RORA: variants seen among roughly 807,000 people sequenced by gnomAD.
RORA encodes RAR related orphan receptor A, also known as nuclear receptor ROR-alpha.
Under a neutral mutation model 69.5 loss-of-function variants are expected in RORA, and 7 were observed. The observed-to-expected ratio is 0.10, with a 90% CI of 0.06 to 0.19. The LOEUF (loss-of-function observed/expected upper bound fraction) is 0.19. Ranked by LOEUF, RORA falls within the 10% of genes least tolerant of loss-of-function variation. The probability of loss-of-function intolerance (pLI) is 1.00; values close to 1 mark genes in which losing one functional copy is unlikely to be tolerated. For missense variants in RORA, 457 were observed against 663.0 expected, an observed-to-expected ratio of 0.69 and a Z score of 3.41; for synonymous variants, 261 against 240.8, an observed-to-expected ratio of 1.08 and a Z score of -0.78.
intron 1 of RORA, among the ~76,000 whole-genome samples, chr15:61,134,816 G>A (rs144026817): frequency 6.6e-6 from 1 of 152,156 alleles, no homozygotes; most frequent in Non-Finnish European, 1.5e-5. Context: ...TTGGAAGGGT[G>A]GGCAGTTTCC....
At chr15:60,768,014 T>A (rs1485096194) in intron 1 of RORA, among the ~76,000 whole-genome samples, 9 of 152,210 alleles carry the variant, frequency 5.9e-5, no homozygotes, top group South Asian at 2.1e-4. Context: ...CAGGGTGGCC[T>A]ATGGGTGGAG....
chr15:60,992,170 C>T (rs907778236), intron 1 of RORA, among the ~76,000 whole-genome samples: 1 of 152,062 alleles, frequency 6.6e-6, no homozygotes, highest in Non-Finnish European at 1.5e-5. Flanking sequence ...AAAATGGATT[C>T]CTGCTGGAGG....
chr15:61,196,980 A>G (rs749905063), intron 1 of RORA, among the ~76,000 whole-genome samples: 3 of 152,218 alleles, frequency 2.0e-5, no homozygotes, highest in Admixed American at 1.3e-4. Flanking sequence ...TTTAAGGCAG[A>G]GCTTGCTTGC....
intron 1 of RORA, among the ~76,000 whole-genome samples, chr15:61,200,971 T>A (rs1428919116): frequency 6.6e-6 from 1 of 152,232 alleles, no homozygotes; most frequent in Non-Finnish European, 1.5e-5. Context: ...AGCCGACTTG[T>A]TTTAACAAAT....
intron 1 of RORA, chr15:60,706,191 A>T (rs2071060639): frequency 6.6e-6 from 1 of 152,212 alleles, no homozygotes; most frequent in South Asian, 2.1e-4. Context: ...CTCATGTAGC[A>T]TGAGTTTTAG....
In RORA at chr15:61,073,886, G is replaced by C. The variant is rs116345945; in HGVS notation, c.166+155167C>G. Among the ~76,000 whole-genome samples, 962 of 152,278 alleles carry C rather than the reference G, an allele frequency of 6.3e-3. 12 individuals are homozygous for C. Among genetic ancestry groups the C allele is most frequent in the African/African-American group, 0.022 (902 of 41,548 alleles). On this transcript the variant is annotated intron_variant, in intron 1 of 10. Transcript: ENST00000335670. ...CTGAATCAATTGCTAAATTTCAAAA[G>C]GCATGCCCTGGCTTCAGATACATTA...
intron 1 of RORA, among the ~76,000 whole-genome samples, chr15:61,197,556 C>T (rs1320776698): frequency 2.6e-5 from 4 of 152,180 alleles, no homozygotes; most frequent in Non-Finnish European, 5.9e-5. Context: ...ATTGGCAGAT[C>T]TATATTCACT....
chr15:61,212,597 G>A (rs1026332774), intron 1 of RORA, among the ~76,000 whole-genome samples: 1 of 152,080 alleles, frequency 6.6e-6, no homozygotes, highest in African/African-American at 2.4e-5. Context: ...TCACCATATT[G>A]GCCAGGGTGG....
At chr15:61,079,752 C>A (rs2078510498) in intron 1 of RORA, among the ~76,000 whole-genome samples, 1 of 152,202 alleles carries the variant, frequency 6.6e-6, no homozygotes, top group African/African-American at 2.4e-5. Context: ...TGCCCTTATC[C>A]ACAATGAGCT....
At chr15:61,209,955 T>G (rs946482229) in intron 1 of RORA, among the ~76,000 whole-genome samples, 1 of 152,198 alleles carries the variant, frequency 6.6e-6, no homozygotes, top group African/African-American at 2.4e-5. Context: ...AACTGCATAT[T>G]TAGCTCAACT....
intron 1 of RORA, among the ~76,000 whole-genome samples, chr15:61,174,917 T>C (rs562725633): frequency 7.3e-4 from 111 of 152,334 alleles, no homozygotes; most frequent in African/African-American, 2.4e-3. Flanking sequence ...AGAGGTTAAA[T>C]AACTTGCCCA....
intron 3 of RORA, among the ~76,000 whole-genome samples, chr15:60,517,124 C>T (rs74017205): frequency 0.057 from 4,447 of 77,678 alleles, 341 homozygotes; most frequent in African/African-American, 0.17. Context: ...TTTTTTTTTT[C>T]CCCCCTACAA....
intron 1 of RORA, among the ~76,000 whole-genome samples, chr15:60,924,054 T>C (rs1191743689): frequency 6.6e-6 from 1 of 152,166 alleles, no homozygotes; most frequent in South Asian, 2.1e-4. Context: ...CACTGAAAAC[T>C]TCCCAAGTGG....
chr15:60,835,826 A>G (rs1042041315), intron 1 of RORA, among the ~76,000 whole-genome samples: 4 of 152,210 alleles, frequency 2.6e-5, no homozygotes, highest in Non-Finnish European at 2.9e-5. Flanking sequence ...CTGTCATTTG[A>G]TTCAACTCTA....
rs372932498 is a variant in RORA, at chr15:61,147,763, A to ACGCG, written c.166+81286_166+81289dup. Among the ~76,000 whole-genome samples, 3,467 of 74,780 alleles carry ACGCG rather than the reference A, an allele frequency of 0.046. 64 individuals are homozygous for ACGCG. The highest frequency in any genetic ancestry group is 0.09 in the African/African-American group (2,137 of 23,622). 49.1% of individuals were successfully genotyped at this position (74,780 alleles called of 152,430 possible). A position where few individuals can be genotyped will look rare whatever the true frequency, so the allele number is the denominator to read the frequency against. On this transcript the variant is annotated intron_variant, in intron 1 of 10. Transcript: ENST00000335670. The surrounding 1 kb of genome is among the most constrained non-coding windows in gnomAD (Gnocchi z 4.1). Reference sequence around the variant, plus strand: ...TGATGGTCAGTAGGCACGTGCGCACACGCGTGTGTGTGTGTGTGTGTGTGT... The same window carrying ACGCG: ...TGATGGTCAGTAGGCACGTGCGCACACGCGCGCGTGTGTGTGTGTGTGTGTGTGT...
chr15:60,577,792 A>G (rs1373925697), intron 2 of RORA, among the ~76,000 whole-genome samples: 1 of 152,230 alleles, frequency 6.6e-6, no homozygotes, highest in Non-Finnish European at 1.5e-5. Flanking sequence ...ATTGCATATT[A>G]ACATATAAAA....
At chr15:60,594,950 A>G (rs1033104853) in intron 2 of RORA, among the ~76,000 whole-genome samples, 2 of 152,184 alleles carry the variant, frequency 1.3e-5, no homozygotes, top group African/African-American at 2.4e-5. Context: ...TGCCTCTATT[A>G]AATGTCTTCA....
chr15:60,629,183 T>C (rs2069669694), intron 2 of RORA, among the ~76,000 whole-genome samples: 2 of 129,570 alleles, frequency 1.5e-5, no homozygotes, highest in South Asian at 2.5e-4. Flanking sequence ...ATTGACTGTT[T>C]ATTCTTTTTT....
At chr15:60,566,035 C>T (rs984080151) in intron 2 of RORA, among the ~76,000 whole-genome samples, 10 of 152,234 alleles carry the variant, frequency 6.6e-5, no homozygotes, top group Admixed American at 2.0e-4. Context: ...CTCATATGTG[C>T]ACTCTAAAAA....
Sources: allele counts gnomAD v4.1 joint callset (sites outside exome capture counted in the v4.1 genomes callset), GRCh38; gene constraint gnomAD v4.1.1; non-coding constraint Gnocchi (gnomAD v3.1); transcripts MANE v1.5; gene names NCBI Gene and HGNC (gene_info 2026-07-23, HGNC 2026-07-21).